Variants in LPIN1 observed in about 807,000 individuals in gnomAD.
LPIN1 encodes lipin 1, also known as phosphatidate phosphatase LPIN1.
In LPIN1, 71 loss-of-function variants were observed where a neutral mutation model predicts 107.5. That is an observed-to-expected ratio of 0.66 (90% confidence interval 0.55 to 0.80). The LOEUF (loss-of-function observed/expected upper bound fraction) is 0.80, where lower values mean the gene tolerates loss of function less well. LPIN1 is among the 30% of genes least tolerant of loss of function. LPIN1 has a pLI of 0.00. For synonymous variants in LPIN1, 445 were observed against 452.6 expected, an observed-to-expected ratio of 0.98 and a Z score of 0.21; for missense variants, 1,043 against 1,160.6, an observed-to-expected ratio of 0.90 and a Z score of 1.47.
chr2:11,775,178 A>G (rs891980021), intron 5 of LPIN1, among the ~76,000 whole-genome samples: 5 of 152,220 alleles, frequency 3.3e-5, no homozygotes, highest in African/African-American at 9.6e-5. Context: ...TCAAGTGCTC[A>G]GGAGCCACCT....
chr2:11,705,066 A>G (rs1663059854), intron 1 of LPIN1, among the ~76,000 whole-genome samples: 3 of 152,364 alleles, frequency 2.0e-5, no homozygotes, highest in South Asian at 2.1e-4. Context: ...CTTGAGGGCT[A>G]CAGAGATCAA....
chr2:11,776,893 G>T (rs74386304), intron 6 of LPIN1, among the ~76,000 whole-genome samples: 3,393 of 152,236 alleles, frequency 0.022, 142 homozygotes, highest in African/African-American at 0.077. Flanking sequence ...AAAACCTTTT[G>T]TCTTTTTGAT....
chr2:11,738,480 G>A lies in LPIN1; in HGVS notation c.-71-2869G>A, dbSNP rs1234648648. ...ATTTTCAGGAGCCAGCACCGCTGCT[G>A]GGGAGTCCCACTTCTGGTCCTGATG... On this transcript the variant is annotated intron_variant, in intron 1 of 21. Coordinates refer to the LPIN1 transcript ENST00000396097. 2.0e-5 allele frequency among the ~76,000 whole-genome samples: 3 copies of A among 151,970 alleles called. No individual in the cohort carries two copies. In the East Asian group the frequency reaches 5.8e-4, roughly 29 times the overall value.
chr2:11,804,982 G>GTTTT, intron 16 of LPIN1, 88 bp from the exon 17 acceptor site: 27 of 703,960 alleles, frequency 3.8e-5, no homozygotes, highest in Admixed American at 9.4e-5. Context: ...TCTTGTTTGT[G>GTTTT]TTTTTTTTTT....
chr2:11,732,911 C>G (rs112415734), intron 1 of LPIN1, among the ~76,000 whole-genome samples: 19,134 of 148,926 alleles, frequency 0.13, 3,364 homozygotes, highest in African/African-American at 0.4. Context: ...CTCTCTCTCT[C>G]TGTGTGTGTG....
intron 1 of LPIN1, among the ~76,000 whole-genome samples, chr2:11,692,275 C>G (rs547023436): frequency 1.0e-4 from 15 of 148,956 alleles, no homozygotes; most frequent in African/African-American, 3.7e-4. Context: ...GGTCCCCTTT[C>G]CTTCTTGCCT....
intron 1 of LPIN1, among the ~76,000 whole-genome samples, chr2:11,679,818 C>T (rs116513056): frequency 0.012 from 1,761 of 152,306 alleles, 29 homozygotes; most frequent in African/African-American, 0.039. Flanking sequence ...GGGAGTCTGG[C>T]CTGCTTCCTC....
chr2:11,790,995 G>A (rs1245981417), intron 12 of LPIN1, among the ~76,000 whole-genome samples: 1 of 152,058 alleles, frequency 6.6e-6, no homozygotes, highest in Non-Finnish European at 1.5e-5. Context: ...TAAAAAAAAT[G>A]TGGTTTTGTT....
rs114388723 is a variant in LPIN1 at position 11,765,341 on chromosome 2, C to T, written c.-9-192C>T. On this transcript the variant is annotated intron_variant, in intron 1 of 20. Coordinates refer to ENST00000674199, the MANE Select transcript of LPIN1 (RefSeq NM_001349206.2). The surrounding 1 kb of genome is among the most constrained non-coding windows in gnomAD (Gnocchi z 4.4). ...TGGGCCATGATGGACACTGATGGGC[C>T]GTGATGGGCCCTGATGGGCCCTGAT... Among the ~76,000 whole-genome samples the T allele has an allele frequency of 5.4e-3, 819 of 152,020 alleles. 12 individuals are homozygous for T. The highest frequency in any genetic ancestry group is 0.019 in the African/African-American group (788 of 41,464).
intron 6 of LPIN1, among the ~76,000 whole-genome samples, chr2:11,776,588 TA>T (rs1370165185): frequency 6.6e-6 from 1 of 152,220 alleles, no homozygotes; most frequent in East Asian, 1.9e-4. Context: ...GTTTGACAAA[TA>T]AGTTTACAAG....
intron 1 of LPIN1, among the ~76,000 whole-genome samples, chr2:11,727,188 G>T (rs943382590): frequency 2.0e-5 from 3 of 152,194 alleles, no homozygotes; most frequent in African/African-American, 7.2e-5. Context: ...GATTAATGGG[G>T]CATTCTAATG....
In LPIN1 at chr2:11,724,708, A is replaced by G. The variant is rs554803686; in HGVS notation, c.-72+169A>G. On this transcript the variant is annotated intron_variant, in intron 1 of 21. Transcript: ENST00000396097. ...CAGAGCTTCCCGGTGACACAGGTCA[A>G]TGTGTCCCCCATCGGGCTTCTCAGG... is the stretch of plus-strand genomic sequence containing the variant. 95 of 901,314 alleles carry G rather than the reference A, an allele frequency of 1.1e-4. No individual in the cohort carries two copies. In the African/African-American group the frequency reaches 1.5e-3, roughly 14 times the overall value. The allele number at this position is 901,314 out of a possible 1,614,324, so 55.8% of individuals were successfully genotyped here. A position where few individuals can be genotyped will look rare whatever the true frequency, so the allele number is the denominator to read the frequency against.
rs368152376 is a variant in LPIN1 at position 11,786,245 on chromosome 2, T to G, written c.1550-829T>G. ...GGGTGCATGTTGAAGCCAGTCAGGC[T>G]GGCATCAAGACCCAGGGACTCTTTT... is the stretch of plus-strand genomic sequence containing the variant. On this transcript the variant is annotated intron_variant, in intron 10 of 20. Transcript: ENST00000674199. This position sits in a 1 kb window ranked among gnomAD's most constrained non-coding sequence, Gnocchi z 4.1. 4.3e-4 allele frequency among the ~76,000 whole-genome samples: 66 copies of G among 152,302 alleles called. 1 individual carries two copies. In the South Asian group the frequency reaches 0.013, roughly 30 times the overall value.
At chr2:11,713,874 A>G (rs1379853571) in intron 2 of LPIN1, 1 of 1,176,448 alleles carries the variant, frequency 8.5e-7, no homozygotes, top group African/African-American at 1.5e-5. Flanking sequence ...TAGAGAAAAT[A>G]CTCCATGTCC....
chr2:11,767,676 G>C, intron 2 of LPIN1, 87 bp from the exon 3 acceptor site: 1 of 817,224 alleles, frequency 1.2e-6, no homozygotes, highest in Non-Finnish European at 2.2e-6. Flanking sequence ...CGATGATAGC[G>C]TATCTGTGGA....
At chr2:11,788,531 A>T in intron 12 of LPIN1, 75 bp downstream of exon 12, 3 of 1,192,572 alleles carry the variant, frequency 2.5e-6, no homozygotes, top group Non-Finnish European at 3.8e-6. Flanking sequence ...TTGGAATTTC[A>T]CTTTTATTTT....
At chr2:11,747,181 C>T (rs1348451532) in intron 1 of LPIN1, among the ~76,000 whole-genome samples, 1 of 152,222 alleles carries the variant, frequency 6.6e-6, no homozygotes, top group Non-Finnish European at 1.5e-5. Context: ...TGCCCAAGGT[C>T]ATACAGTTGC....
At chr2:11,704,512 C>T (rs986450368) in intron 1 of LPIN1, among the ~76,000 whole-genome samples, 4 of 152,176 alleles carry the variant, frequency 2.6e-5, no homozygotes, top group Middle Eastern at 3.2e-3. Flanking sequence ...GATTTCTATT[C>T]TGGGACTTAA....
chr2:11,754,714 G>GGAT (rs1355360308), intron 1 of LPIN1, among the ~76,000 whole-genome samples: 1 of 152,172 alleles, frequency 6.6e-6, no homozygotes, highest in East Asian at 1.9e-4. Flanking sequence ...TGACCACTGA[G>GGAT]GATGACAGCC....
Sources: gnomAD v4.1 joint callset for allele counts (sites outside exome capture counted in the v4.1 genomes callset) on GRCh38, gnomAD v4.1.1 for gene constraint, Gnocchi (gnomAD v3.1) non-coding constraint, MANE v1.5 for transcripts, NCBI Gene and HGNC (gene_info 2026-07-23, HGNC 2026-07-21) for gene names.